Variants in VHL observed in about 807,000 individuals in gnomAD.
VHL encodes the protein von Hippel-Lindau tumor suppressor, also known as von Hippel-Lindau disease tumor suppressor.
Under a neutral mutation model 19.2 loss-of-function variants are expected in VHL, and 10 were observed. The observed-to-expected ratio is 0.52, with a 90% CI of 0.32 to 0.89. The LOEUF is 0.89. Ranked by LOEUF, VHL falls within the 40% of genes least tolerant of loss-of-function variation. The pLI is 0.03. For synonymous variants in VHL, 167 were observed against 129.5 expected (o/e 1.29, Z -1.97); for missense variants, 328 against 292.7 (o/e 1.12, Z -0.88).
At chr3:10,149,554 C>T (rs1340122292) in intron 2 of VHL, among the ~76,000 whole-genome samples, 1 of 152,198 alleles carries the variant, frequency 6.6e-6, no homozygotes, top group East Asian at 1.9e-4. Context: ...TTAGTTAAAG[C>T]AATCACAAGC....
At position 10,153,088 on chromosome 3, in the gene VHL, A is replaced by G. The variant is rs1018699364; in HGVS notation, c.*3123A>G. ...TCAGGAAATCGAGACCATCCTGGCT[A>G]ACACGGGTGAAACCCCGTCTCTATT... On this transcript the variant is annotated 3_prime_UTR_variant, in exon 3 of 3. Coordinates refer to ENST00000256474, the MANE Select transcript of VHL (RefSeq NM_000551.4). Among the ~76,000 whole-genome samples the G allele has an allele frequency of 2.6e-5, 4 of 152,122 alleles. No individual in the cohort carries two copies. The highest frequency in any genetic ancestry group is 7.2e-5 in the African/African-American group (3 of 41,444).
Position 10,150,260 on chromosome 3 carries a change from T to TA in VHL, c.*296dup, listed in dbSNP as rs1575933161. 4.6e-6 allele frequency: 6 copies of TA among 1,301,334 alleles called. No homozygotes were observed. In the East Asian group the frequency reaches 2.0e-4, roughly 43 times the overall value. 80.6% of individuals were successfully genotyped at this position (1,301,334 alleles called of 1,614,324 possible). ...GACAGCTTGTATGTAAGGAGGTTTG[T>TA]ATAAGTAATTCAGTGGGAATTGCAG... On this transcript the variant is annotated 3_prime_UTR_variant, in exon 3 of 3. Coordinates refer to ENST00000256474, the MANE Select transcript of VHL (RefSeq NM_000551.4).
rs1696354036 is a variant in VHL, at chr3:10,149,788, G to A, written c.465G>A (p.Val155=). ...QPIFANITLP[V]YTLKERCLQV... ...AGGATTTGGTTTTTGCCCTTCCAGT[G>A]TATACTCTGAAAGAGCGATGCCTCC... Residue 155 remains valine, a splice_region_variant and synonymous_variant, in exon 3 of 3, where the codon GTG becomes GTA. Coordinates refer to ENST00000256474, the MANE Select transcript of VHL (RefSeq NM_000551.4). 1 of 1,613,872 alleles carries A rather than the reference G, an allele frequency of 6.2e-7. No individual in the cohort carries two copies. Among genetic ancestry groups the A allele is most frequent in the Middle Eastern group, 1.7e-4 (1 of 6,036 alleles).
chr3:10,146,049 G>T (rs1435937217), intron 1 of VHL, among the ~76,000 whole-genome samples: 1 of 152,120 alleles, frequency 6.6e-6, no homozygotes, highest in Non-Finnish European at 1.5e-5. Flanking sequence ...CTGTTGTGAG[G>T]ACTGACTGAG....
At chr3:10,149,113 T>TC (rs1159898890) in intron 2 of VHL, among the ~76,000 whole-genome samples, 4 of 149,188 alleles carry the variant, frequency 2.7e-5, no homozygotes, top group Admixed American at 6.6e-5. Flanking sequence ...TTTTCTCTTT[T>TC]CTTTTTTCTT....
rs755794553 is a variant in VHL at position 10,142,114 on chromosome 3, C to A, written c.267C>A (p.Leu89=). ...RSPRVVLPVW[L]NFDGEPQPYP... The stretch of plus-strand genomic sequence containing the variant: ...CGCGCGTCGTGCTGCCCGTATGGCT[C>A]AACTTCGACGGCGAGCCGCAGCCCT... The change falls in exon 1 of 3, where the codon CTC becomes CTA. Residue 89 remains leucine (L), a synonymous_variant. Transcript: ENST00000256474. 12 of 1,602,316 alleles carry A rather than the reference C, an allele frequency of 7.5e-6. No homozygotes were observed. In the Admixed American group the frequency reaches 1.0e-4, roughly 13 times the overall value.
Position 10,143,279 on chromosome 3 carries a change from C to T in VHL, c.340+1092C>T, listed in dbSNP as rs191112313. Among the ~76,000 whole-genome samples, 618 of 152,160 alleles carry T rather than the reference C, an allele frequency of 4.1e-3. 17 individuals carry two copies. In the South Asian group the frequency reaches 0.059, roughly 14 times the overall value. ...CCGAGGAGCGGGGATTACAGGCGTG[C>T]GCCACCACTCCTGGCTAATTTTTTT... On this transcript the variant is annotated intron_variant, in intron 1 of 2. Coordinates refer to ENST00000256474, the MANE Select transcript of VHL (RefSeq NM_000551.4).
At chr3:10,143,093 C>T (rs973825767) in intron 1 of VHL, 1 of 151,914 alleles carries the variant, frequency 6.6e-6, no homozygotes, top group Admixed American at 6.6e-5. Flanking sequence ...GTGATTTTAC[C>T]CCTAGGAATA....
At chr3:10,146,763 C>A in intron 2 of VHL, 127 bp downstream of exon 2, 1 of 1,186,616 alleles carries the variant, frequency 8.4e-7, no homozygotes, top group Non-Finnish European at 1.2e-6. Flanking sequence ...CTTTTTGTAT[C>A]CTATTCTCTA....
rs140259776 is a variant in VHL at position 10,149,310 on chromosome 3, C to T, written c.464-477C>T. Among the ~76,000 whole-genome samples, 927 of 151,868 alleles carry T rather than the reference C, an allele frequency of 6.1e-3. 12 individuals carry two copies. Among genetic ancestry groups the T allele is most frequent in the African/African-American group, 0.021 (863 of 41,396 alleles). On this transcript the variant is annotated intron_variant, in intron 2 of 2. Coordinates refer to ENST00000256474, the MANE Select transcript of VHL (RefSeq NM_000551.4). ...TGTGTATTTTGTAGAGACGGGGTTT[C>T]GCCATGTTGCCAGGCTGGTCTCGAA... is the stretch of plus-strand genomic sequence containing the variant.
At chr3:10,147,479 C>T (rs978239207) in intron 2 of VHL, among the ~76,000 whole-genome samples, 4 of 151,904 alleles carry the variant, frequency 2.6e-5, no homozygotes, top group Admixed American at 2.6e-4. Flanking sequence ...ATTCTCCTGC[C>T]TCAGCCTCCT....
intron 1 of VHL, 30 bp from the exon 2 acceptor site, chr3:10,146,484 C>A (rs1344774130): frequency 1.2e-5 from 19 of 1,612,116 alleles, no homozygotes; most frequent in Non-Finnish European, 1.6e-5. Flanking sequence ...ACCGGTGTGG[C>A]TCTTTAACAA....
Position 10,142,065 on chromosome 3 carries a change from A to G in VHL, c.218A>G (p.Gln73Arg), listed in dbSNP as rs1295818809. ...LRSVNSREPS[Q>R]VIFCNRSPRV... is the part of the protein sequence containing the mutation. ...TCGGTGAACTCGCGCGAGCCCTCCC[A>G]GGTCATCTTCTGCAATCGCAGTCCG... is the stretch of plus-strand genomic sequence containing the variant. The change falls in exon 1 of 3, where the codon CAG (glutamine) becomes CGG (arginine). Residue 73 changes from glutamine (Q) to arginine (R), a missense_variant. Coordinates refer to ENST00000256474, the MANE Select transcript of VHL (RefSeq NM_000551.4). 1.8e-5 allele frequency: 29 copies of G among 1,607,336 alleles called. No individual in the cohort carries two copies. Among genetic ancestry groups the G allele is most frequent in the Middle Eastern group, 1.7e-4 (1 of 6,050 alleles).
rs71052299 is a variant in VHL at position 10,152,481 on chromosome 3, CTTTTTTTTTTTTTTTT to C, written c.*2530_*2545del. ...CTCCTTTCAACATTCAACAAATAGT[CTTTTTTTTTTTTTTTT>C]TTTTTTTTTTTTTGAGATGGAGTCT... is the stretch of plus-strand genomic sequence containing the variant. On this transcript the variant is annotated 3_prime_UTR_variant, in exon 3 of 3. Coordinates refer to ENST00000256474, the MANE Select transcript of VHL (RefSeq NM_000551.4). Among the ~76,000 whole-genome samples the C allele has an allele frequency of 9.3e-5, 6 of 64,514 alleles. No individual in the cohort carries two copies. Among genetic ancestry groups the C allele is most frequent in the Admixed American group, 7.4e-4 (3 of 4,044 alleles). The allele number at this position is 64,514 out of a possible 152,430, so 42.3% of individuals were successfully genotyped here.
At position 10,146,629 on chromosome 3, in the gene VHL, A is replaced by G. The variant is rs1276364231; in HGVS notation, c.456A>G (p.Thr152=). 3.7e-6 allele frequency: 6 copies of G among 1,613,536 alleles called. No homozygotes were observed. The African/African-American group carries it at 5.3e-5, about 14-fold the overall frequency. ...VDGQPIFANI[T]LPVYTLKERC... is the part of the protein sequence containing the mutation. ...GACAGCCTATTTTTGCCAATATCAC[A>G]CTGCCAGGTACTGACGTTTTACTTT... The change falls in exon 2 of 3, where the codon ACA becomes ACG. Residue 152 remains threonine (T), a synonymous_variant. Coordinates refer to ENST00000256474, the MANE Select transcript of VHL (RefSeq NM_000551.4).
intron 2 of VHL, among the ~76,000 whole-genome samples, chr3:10,148,081 G>A (rs1299018128): frequency 1.3e-5 from 2 of 151,042 alleles, no homozygotes; most frequent in Non-Finnish European, 2.9e-5. Context: ...AGGTGACAGA[G>A]TGAGATCCTG....
chr3:10,149,853 G>C lies in VHL; in HGVS notation c.530G>C (p.Arg177Thr), dbSNP rs1470394966. The C allele has an allele frequency of 6.2e-7, 1 of 1,614,190 alleles. No homozygotes were observed. The highest frequency in any genetic ancestry group is 1.7e-5 in the Admixed American group (1 of 60,018). Residue 177 changes from arginine to threonine, a missense_variant, in exon 3 of 3, where the codon AGA becomes ACA. By Grantham distance (71) the Arg-to-Thr change is moderately conservative (BLOSUM62 -1). Transcript: ENST00000256474. ...CTAGTCAAGCCTGAGAATTACAGGA[G>C]ACTGGACATCGTCAGGTCGCTCTAC... is the stretch of plus-strand genomic sequence containing the variant. ...RSLVKPENYR[R>T]LDIVRSLYED... is the part of the protein sequence containing the mutation.
chr3:10,153,008 G>A lies in VHL; in HGVS notation c.*3043G>A, dbSNP rs550375730. 9.9e-5 allele frequency among the ~76,000 whole-genome samples: 15 copies of A among 152,070 alleles called. No homozygotes were observed. Among genetic ancestry groups the A allele is most frequent in the African/African-American group, 2.4e-4 (10 of 41,524 alleles). On this transcript the variant is annotated 3_prime_UTR_variant, in exon 3 of 3. Transcript: ENST00000256474. ...AAATACAAAAATTGCCGGCCGCGGC[G>A]GCTCATGCCTGTAATCCCAGCACTT... is the stretch of plus-strand genomic sequence containing the variant.
intron 2 of VHL, 85 bp from the exon 3 acceptor site, chr3:10,149,702 C>G: frequency 8.7e-7 from 1 of 1,149,168 alleles, no homozygotes; most frequent in Non-Finnish European, 1.3e-6. Context: ...ATCAGTAGTA[C>G]AGGTAGTTGT....
Sources: gnomAD v4.1 joint callset for allele counts (sites outside exome capture counted in the v4.1 genomes callset) on GRCh38, gnomAD v4.1.1 for gene constraint, MANE v1.5 for transcripts, NCBI Gene and HGNC (gene_info 2026-07-23, HGNC 2026-07-21) for gene names.